The following FAM81A variants were observed in gnomAD, a reference collection of about 807,000 sequenced individuals.
FAM81A encodes family with sequence similarity 81 member A, also known as protein FAM81A.
A neutral mutation model predicts 46.7 loss-of-function variants in FAM81A; 19 were observed. The observed-to-expected ratio is 0.41, with a 90% CI of 0.28 to 0.60. The LOEUF (loss-of-function observed/expected upper bound fraction) is 0.60. Among genes scored for constraint, FAM81A ranks in the 20% least tolerant of loss-of-function variants. The pLI is 0.34. For synonymous variants in FAM81A, 183 were observed against 152.9 expected (o/e 1.20, Z -1.45); for missense variants, 377 against 453.5 (o/e 0.83, Z 1.53).
At chr15:59,439,113 C>CGTGTGTGCGCGCGT (rs2081269190) in intron 1 of FAM81A, 1 of 151,128 alleles carries the variant, frequency 6.6e-6, no homozygotes, top group South Asian at 2.1e-4. Flanking sequence ...TGTGTGCGCG[C>CGTGTGTGCGCGCGT]GTGTGTGTGT....
chr15:59,513,777 G>A (rs1353635677), intron 6 of FAM81A, among the ~76,000 whole-genome samples: 3 of 152,082 alleles, frequency 2.0e-5, no homozygotes, highest in Non-Finnish European at 2.9e-5. Context: ...ACATGCATAC[G>A]TATGTTCACT....
intron 3 of FAM81A, among the ~76,000 whole-genome samples, chr15:59,470,133 C>T (rs1201044279): frequency 6.6e-6 from 1 of 152,136 alleles, no homozygotes; most frequent in African/African-American, 2.4e-5. Flanking sequence ...GTCTGGCTGC[C>T]GTTAACACTT....
At chr15:59,503,233 CAA>C (rs769759845) in intron 4 of FAM81A, among the ~76,000 whole-genome samples, 7 of 35,328 alleles carry the variant, frequency 2.0e-4, no homozygotes, top group Non-Finnish European at 3.9e-4. Flanking sequence ...GAGACTGTCT[CAA>C]AAAAAAAAAA....
At chr15:59,494,461 G>T (rs1183617149) in intron 4 of FAM81A, among the ~76,000 whole-genome samples, 1 of 152,176 alleles carries the variant, frequency 6.6e-6, no homozygotes, top group African/African-American at 2.4e-5. Flanking sequence ...TTGTCCTTAT[G>T]ATGCTGGTTC....
Position 59,414,095 on chromosome 15 carries a change from T to C in FAM81A, c.-78+11737T>C, listed in dbSNP as rs2081134988. Among the ~76,000 whole-genome samples the C allele has an allele frequency of 2.6e-5, 4 of 152,192 alleles. No individual in the cohort carries two copies. In the South Asian group the frequency reaches 8.3e-4, roughly 32 times the overall value. On this transcript the variant is annotated intron_variant, in intron 2 of 4. Coordinates refer to the FAM81A transcript ENST00000558348. ...CCTCCTGAGTAGCTGGGATTACAGGTGTGCGCCATCACCACGCCCAGCTAA... is the reference window on the plus strand; with the variant it reads ...CCTCCTGAGTAGCTGGGATTACAGGCGTGCGCCATCACCACGCCCAGCTAA...
At chr15:59,499,240 G>A (rs1374943938) in intron 4 of FAM81A, among the ~76,000 whole-genome samples, 1 of 151,982 alleles carries the variant, frequency 6.6e-6, no homozygotes, top group African/African-American at 2.4e-5. Context: ...TATATTGCAG[G>A]ATCAGTTTGC....
At chr15:59,483,235 C>T (rs2081876540) in intron 3 of FAM81A, among the ~76,000 whole-genome samples, 1 of 151,962 alleles carries the variant, frequency 6.6e-6, no homozygotes, top group South Asian at 2.1e-4. Flanking sequence ...ACGGGGGTTT[C>T]ACCATTTTGG....
upstream of FAM81A, among the ~76,000 whole-genome samples, chr15:59,436,273 C>T (rs1221016150): frequency 6.6e-6 from 1 of 152,046 alleles, no homozygotes; most frequent in African/African-American, 2.4e-5. Flanking sequence ...TTTTGATGGC[C>T]AGAAGTAAGA....
At chr15:59,442,986 A>G (rs183283629) in intron 1 of FAM81A, among the ~76,000 whole-genome samples, 22 of 152,370 alleles carry the variant, frequency 1.4e-4, no homozygotes, top group African/African-American at 5.0e-4. Flanking sequence ...GAAAATTAGC[A>G]TTAAGAGCTA....
In FAM81A at chr15:59,508,911, A is replaced by C. The variant is rs750281963; in HGVS notation, c.592A>C (p.Thr198Pro). ...GGACTTGTCAATATCAGAGCAGAGCACCAAACTGAAGATGTCTCACAGAGA... is the reference window on the plus strand; with the variant it reads ...GGACTTGTCAATATCAGAGCAGAGCCCCAAACTGAAGATGTCTCACAGAGA... Reference protein sequence around the residue: ...RVDLSISEQSTKLKMSHRDSN... With the variant: ...RVDLSISEQSPKLKMSHRDSN... Residue 198 changes from threonine (T) to proline (P), a missense_variant, in exon 6 of 9, where the codon ACC (threonine) becomes CCC (proline). Thr to Pro is a conservative substitution (Grantham distance 38). Coordinates refer to ENST00000288228, the MANE Select transcript of FAM81A (RefSeq NM_152450.3). 1 of 1,613,532 alleles carries C rather than the reference A, an allele frequency of 6.2e-7. No homozygotes were observed. Among genetic ancestry groups the C allele is most frequent in the Non-Finnish European group, 8.5e-7 (1 of 1,179,550 alleles).
intron 4 of FAM81A, among the ~76,000 whole-genome samples, chr15:59,496,985 G>A (rs1043518164): frequency 6.6e-6 from 1 of 151,776 alleles, no homozygotes; most frequent in Admixed American, 6.6e-5. Flanking sequence ...AATTAGCTGG[G>A]TGTGGTAGCG....
intron 4 of FAM81A, among the ~76,000 whole-genome samples, chr15:59,502,764 C>T (rs1367319871): frequency 6.6e-5 from 10 of 151,756 alleles, no homozygotes; most frequent in Admixed American, 4.6e-4. Context: ...CCAGGTAATC[C>T]GCCCACCTCG....
intron 1 of FAM81A, among the ~76,000 whole-genome samples, chr15:59,454,927 C>T (rs184322362): frequency 6.6e-6 from 1 of 151,224 alleles, no homozygotes; most frequent in African/African-American, 2.4e-5. Flanking sequence ...GCCTCCACAC[C>T]TGGCTAATTT....
At chr15:59,503,796 C>T (rs1281554351) in intron 4 of FAM81A, among the ~76,000 whole-genome samples, 4 of 152,178 alleles carry the variant, frequency 2.6e-5, no homozygotes, top group African/African-American at 4.8e-5. Context: ...TGGTCTCAAA[C>T]TCCTGGCCTC....
intron 2 of FAM81A, among the ~76,000 whole-genome samples, chr15:59,409,988 A>G (rs1474854366): frequency 6.6e-6 from 1 of 152,176 alleles, no homozygotes; most frequent in Non-Finnish European, 1.5e-5. Context: ...AGAAATCAGT[A>G]CTATTATTAT....
At chr15:59,485,186 A>G (rs775226263) in intron 3 of FAM81A, among the ~76,000 whole-genome samples, 2 of 152,122 alleles carry the variant, frequency 1.3e-5, no homozygotes, top group Non-Finnish European at 2.9e-5. Context: ...GCCTGGGGGA[A>G]CTCATTGCCC....
chr15:59,398,657 C>T (rs1461074058), intron 1 of FAM81A, among the ~76,000 whole-genome samples: 1 of 141,992 alleles, frequency 7.0e-6, no homozygotes, highest in Non-Finnish European at 1.5e-5. Flanking sequence ...ATTCAGGAGG[C>T]TGAGGCAAGA....
intron 2 of FAM81A, among the ~76,000 whole-genome samples, chr15:59,459,033 G>C (rs1033143503): frequency 6.6e-6 from 1 of 152,212 alleles, no homozygotes; most frequent in Non-Finnish European, 1.5e-5. Flanking sequence ...GTCTCACTCT[G>C]TTCCCCAGGC....
intron 5 of FAM81A, 90 bp downstream of exon 5, chr15:59,507,432 C>T (rs1288966348): frequency 3.3e-6 from 5 of 1,494,088 alleles, no homozygotes; most frequent in Non-Finnish European, 4.5e-6. Context: ...CAGGAGAAAC[C>T]AGCTGGGGCA....
Sources: allele counts gnomAD v4.1 joint callset (sites outside exome capture counted in the v4.1 genomes callset), GRCh38; gene constraint gnomAD v4.1.1; transcripts MANE v1.5; gene names NCBI Gene and HGNC (gene_info 2026-07-23, HGNC 2026-07-21).